Variants in SBF2 observed in about 807,000 individuals in gnomAD.
SBF2 encodes myotubularin-related protein 13.
Under a neutral mutation model 225.2 loss-of-function variants are expected in SBF2, and 112 were observed. The ratio of observed to expected loss-of-function variants is 0.50; its 90% CI spans 0.43 to 0.58. The LOEUF is 0.58. SBF2 is among the 20% of genes least tolerant of loss of function. SBF2 has a pLI of 0.00. For synonymous variants in SBF2, 763 were observed against 773.3 expected (o/e 0.99, Z 0.22); for missense variants, 1,996 against 2,206.2 (o/e 0.90, Z 1.91).
chr11:10,029,724 G>T, intron 5 of SBF2, 41 bp downstream of exon 5: 1 of 1,214,888 alleles, frequency 8.2e-7, no homozygotes, highest in Non-Finnish European at 1.2e-6. Context: ...GAGAGGGGAA[G>T]AGGAACAATC....
intron 2 of SBF2, among the ~76,000 whole-genome samples, chr11:10,168,408 G>A (rs948762128): frequency 2.0e-5 from 3 of 152,072 alleles, no homozygotes; most frequent in Admixed American, 6.6e-5. Context: ...TAACTTATTA[G>A]TTTCTAGACT....
At position 10,160,304 on chromosome 11, in the gene SBF2, A is replaced by C. The variant is rs185734724; in HGVS notation, c.141+33598T>G. Among the ~76,000 whole-genome samples the C allele has an allele frequency of 4.9e-4, 74 of 152,318 alleles. No individual in the cohort carries two copies. In the Middle Eastern group the frequency reaches 0.01, roughly 21 times the overall value. ...ACCAAATTCAAACTCTCCATTCCCC[A>C]AACTATACCTTTTTCTATAATATTT... On this transcript the variant is annotated intron_variant, in intron 2 of 39. Coordinates refer to ENST00000256190, the MANE Select transcript of SBF2 (RefSeq NM_030962.4).
intron 35 of SBF2, among the ~76,000 whole-genome samples, chr11:9,788,720 G>A (rs188943759): frequency 2.2e-4 from 33 of 149,988 alleles, no homozygotes; most frequent in African/African-American, 7.6e-4. Context: ...TCAGCCTCCC[G>A]AGTAGCTGGG....
chr11:10,177,572 T>C (rs1050307673), intron 2 of SBF2, among the ~76,000 whole-genome samples: 1 of 148,638 alleles, frequency 6.7e-6, no homozygotes, highest in Non-Finnish European at 1.5e-5. Flanking sequence ...AGCCAAATCA[T>C]GAGTGAACTC....
At chr11:10,006,481 T>C (rs1225612818) in intron 6 of SBF2, among the ~76,000 whole-genome samples, 6 of 152,180 alleles carry the variant, frequency 3.9e-5, no homozygotes, top group Non-Finnish European at 8.8e-5. Context: ...TCCACCCACA[T>C]AGGGCCTCAT....
intron 10 of SBF2, 117 bp downstream of exon 10, chr11:9,993,804 G>C (rs1947545113): frequency 9.7e-7 from 1 of 1,028,106 alleles, no homozygotes; most frequent in Non-Finnish European, 1.4e-6. Flanking sequence ...TCTAATTTGG[G>C]GCACTTTTTA....
At chr11:9,981,661 A>T (rs188294838) in intron 13 of SBF2, among the ~76,000 whole-genome samples, 1 of 152,330 alleles carries the variant, frequency 6.6e-6, no homozygotes, top group African/African-American at 2.4e-5. Flanking sequence ...GGATGCCAAT[A>T]TTATATTTAA....
At chr11:10,153,073 T>C (rs1026945760) in intron 2 of SBF2, among the ~76,000 whole-genome samples, 2 of 152,214 alleles carry the variant, frequency 1.3e-5, no homozygotes, top group Non-Finnish European at 2.9e-5. Context: ...AGAGGATTCA[T>C]TTCATTCTGT....
chr11:10,183,518 A>C (rs1182172192), intron 2 of SBF2, among the ~76,000 whole-genome samples: 1 of 152,186 alleles, frequency 6.6e-6, no homozygotes, highest in African/African-American at 2.4e-5. Flanking sequence ...CAAAATCCTA[A>C]GTTTTCTTTT....
intron 39 of SBF2, chr11:9,780,794 G>T: frequency 2.3e-6 from 1 of 438,766 alleles, no homozygotes; most frequent in Admixed American, 3.4e-5. Flanking sequence ...TAAGGAGGAA[G>T]GGTCAGCAAT....
chr11:9,998,124 T>C, intron 9 of SBF2, 142 bp downstream of exon 9: 1 of 627,942 alleles, frequency 1.6e-6, no homozygotes, highest in Admixed American at 2.8e-5. Flanking sequence ...CTAAATACTG[T>C]ATGAGATTAT....
intron 1 of SBF2, among the ~76,000 whole-genome samples, chr11:10,212,816 C>T (rs1342089697): frequency 2.6e-5 from 4 of 152,164 alleles, no homozygotes; most frequent in Non-Finnish European, 1.5e-5. Context: ...CTTTGGGATG[C>T]CGAGGCAGGC....
At chr11:9,926,497 A>G (rs547932288) in intron 16 of SBF2, among the ~76,000 whole-genome samples, 37 of 152,290 alleles carry the variant, frequency 2.4e-4, no homozygotes, top group African/African-American at 7.7e-4. Flanking sequence ...CTGCCAATAT[A>G]GACCATATAC....
chr11:9,925,145 TA>T (rs1863930395), intron 16 of SBF2, among the ~76,000 whole-genome samples: 1 of 152,198 alleles, frequency 6.6e-6, no homozygotes. Flanking sequence ...TGATGTGAGC[TA>T]TATGTGTAAT....
At chr11:9,994,030 T>G in intron 9 of SBF2, 32 bp from the exon 10 acceptor site, 1 of 1,155,934 alleles carries the variant, frequency 8.7e-7, no homozygotes. Flanking sequence ...ATGTAAAATA[T>G]CATAATATCA....
At chr11:9,816,409 A>G (rs935300176) in intron 29 of SBF2, among the ~76,000 whole-genome samples, 1 of 152,162 alleles carries the variant, frequency 6.6e-6, no homozygotes, top group Non-Finnish European at 1.5e-5. Context: ...ATGGTACCAC[A>G]GTCTTCCTCT....
At chr11:10,094,649 C>G (rs1020075319) in intron 2 of SBF2, among the ~76,000 whole-genome samples, 1 of 149,584 alleles carries the variant, frequency 6.7e-6, no homozygotes, top group Non-Finnish European at 1.5e-5. Context: ...ATTACAGGTG[C>G]CCGCCACGAC....
intron 16 of SBF2, chr11:9,959,735 T>C: frequency 1.5e-6 from 1 of 683,940 alleles, no homozygotes; most frequent in South Asian, 1.4e-5. Context: ...GGTAGGGACA[T>C]GTACACCTGC....
intron 1 of SBF2, among the ~76,000 whole-genome samples, chr11:10,260,909 G>A (rs1038892547): frequency 1.9e-4 from 28 of 150,704 alleles, no homozygotes; most frequent in African/African-American, 6.1e-4. Flanking sequence ...GAGGGAGGGA[G>A]GGAGAGAGGG....
Sources: allele counts gnomAD v4.1 joint callset (sites outside exome capture counted in the v4.1 genomes callset), GRCh38; gene constraint gnomAD v4.1.1; transcripts MANE v1.5; gene names NCBI Gene and HGNC (gene_info 2026-07-23, HGNC 2026-07-21).